The following LAMC1 variants were observed in gnomAD, a reference collection of about 807,000 sequenced individuals.
LAMC1 encodes the protein laminin subunit gamma 1, also known as laminin subunit gamma-1.
In LAMC1, 38 loss-of-function variants were observed where a neutral mutation model predicts 173.6. The observed-to-expected ratio is 0.22, with a 90% CI of 0.17 to 0.29. The LOEUF (loss-of-function observed/expected upper bound fraction) is 0.29. Ranked by LOEUF, LAMC1 falls within the 10% of genes least tolerant of loss-of-function variation. LAMC1 has a pLI of 1.00. For missense variants in LAMC1, 1,824 were observed against 2,051.8 expected, an observed-to-expected ratio of 0.89 and a Z score of 2.14; for synonymous variants, 746 against 749.1, an observed-to-expected ratio of 1.00 and a Z score of 0.07.
chr1:183,084,805 A>AT (rs1408340155), intron 1 of LAMC1, among the ~76,000 whole-genome samples: 3 of 152,234 alleles, frequency 2.0e-5, no homozygotes, highest in Non-Finnish European at 4.4e-5. Flanking sequence ...CATTTTACTC[A>AT]ATGTGAATAT....
Position 183,122,246 on chromosome 1 carries a change from C to T in LAMC1, c.2396C>T (p.Thr799Ile), listed in dbSNP as rs1253763627. Residue 799 changes from threonine to isoleucine, a missense_variant, in exon 13 of 28, where the codon ACC (threonine) becomes ATC (isoleucine). Coordinates refer to ENST00000258341, the MANE Select transcript of LAMC1 (RefSeq NM_002293.4). Reference protein sequence around the residue: ...EVVCTNCPTGTTGKRCELCDD... With the variant: ...EVVCTNCPTGITGKRCELCDD... ...GTGTGCACCAACTGTCCTACTGGCA[C>T]CACTGGTAAGTCTGCTCGCTTCATC... 9 of 1,613,952 alleles carry T rather than the reference C, an allele frequency of 5.6e-6. No individual in the cohort carries two copies. Among genetic ancestry groups the T allele is most frequent in the Non-Finnish European group, 7.6e-6 (9 of 1,179,920 alleles).
Position 183,122,121 on chromosome 1 carries a change from G to A in LAMC1, c.2271G>A (p.Gly757=), listed in dbSNP as rs750477819. 5.0e-6 allele frequency: 8 copies of A among 1,614,066 alleles called. No individual in the cohort carries two copies. The highest frequency in any genetic ancestry group is 6.8e-6 in the Non-Finnish European group (8 of 1,180,034). Reference sequence around the variant, plus strand: ...CGCACTGTGAGAAGTGCAGTGATGGGTACTATGGAGATTCAACTGCAGGCA... The same window carrying A: ...CGCACTGTGAGAAGTGCAGTGATGGATACTATGGAGATTCAACTGCAGGCA... The part of the protein sequence containing the change: ...AGPHCEKCSD[G]YYGDSTAGTS... Residue 757 remains glycine (G), a synonymous_variant, in exon 13 of 28, where the codon GGG becomes GGA. Coordinates refer to ENST00000258341, the MANE Select transcript of LAMC1 (RefSeq NM_002293.4).
intron 1 of LAMC1, among the ~76,000 whole-genome samples, chr1:183,090,452 G>T (rs1462036540): frequency 6.6e-6 from 1 of 152,178 alleles, no homozygotes. Context: ...TGCAAAGAGG[G>T]TGGATGAATG....
At chr1:183,051,184 G>C (rs145406969) in intron 1 of LAMC1, among the ~76,000 whole-genome samples, 48 of 152,276 alleles carry the variant, frequency 3.2e-4, no homozygotes, top group African/African-American at 1.0e-3. Context: ...GTGTGGACTG[G>C]GCTGTGACTG....
chr1:183,059,343 A>G (rs1194324902), intron 1 of LAMC1, among the ~76,000 whole-genome samples: 3 of 152,210 alleles, frequency 2.0e-5, no homozygotes, highest in Non-Finnish European at 4.4e-5. Context: ...CCCAGACTGG[A>G]TAAGCCCACT....
intron 1 of LAMC1, among the ~76,000 whole-genome samples, chr1:183,027,421 A>T (rs1019855222): frequency 6.6e-6 from 1 of 152,200 alleles, no homozygotes; most frequent in African/African-American, 2.4e-5. Flanking sequence ...GTAGTAGTTG[A>T]TACTAAGATT....
intron 1 of LAMC1, among the ~76,000 whole-genome samples, chr1:183,051,111 C>CT (rs1654416175): frequency 6.6e-6 from 1 of 152,056 alleles, no homozygotes; most frequent in South Asian, 2.1e-4. Flanking sequence ...GGATGCAACT[C>CT]TGATTTTGAT....
At chr1:183,131,427 G>GTT (rs55857017) in intron 20 of LAMC1, 49 bp downstream of exon 20, 15 of 1,086,716 alleles carry the variant, frequency 1.4e-5, no homozygotes, top group Middle Eastern at 2.0e-4. Context: ...TTCTGTTATG[G>GTT]GGTGTGTGTG....
At chr1:183,084,636 A>G in intron 1 of LAMC1, among the ~76,000 whole-genome samples, 1 of 152,210 alleles carries the variant, frequency 6.6e-6, no homozygotes, top group East Asian at 1.9e-4. Flanking sequence ...CCTTTTCTGA[A>G]AGGACAACTT....
intron 16 of LAMC1, 32 bp downstream of exon 16, chr1:183,126,294 C>T (rs780593893): frequency 1.2e-6 from 2 of 1,604,336 alleles, no homozygotes; most frequent in Non-Finnish European, 1.7e-6. Context: ...CAACTCTAAG[C>T]TTCCACTAAT....
chr1:183,105,224 CAA>C (rs35512159), intron 2 of LAMC1, among the ~76,000 whole-genome samples: 7 of 42,850 alleles, frequency 1.6e-4, no homozygotes, highest in South Asian at 1.3e-3. Flanking sequence ...GACTCCATCT[CAA>C]AAAAAAAAAA....
chr1:183,132,334 C>G (rs973801823), intron 20 of LAMC1, 66 bp from the exon 21 acceptor site: 2 of 1,139,138 alleles, frequency 1.8e-6, no homozygotes, highest in African/African-American at 1.6e-5. Context: ...TAAGCATTAC[C>G]TGAATTTTAC....
intron 26 of LAMC1, among the ~76,000 whole-genome samples, chr1:183,139,384 CT>C (rs995614225): frequency 3.3e-5 from 5 of 152,124 alleles, no homozygotes; most frequent in African/African-American, 1.2e-4. Context: ...TAGCTTCATT[CT>C]TTTGGAAGAG....
chr1:183,048,361 C>T (rs1445608511), intron 1 of LAMC1, among the ~76,000 whole-genome samples: 1 of 152,152 alleles, frequency 6.6e-6, no homozygotes, highest in African/African-American at 2.4e-5. Context: ...TCCTCTTTAT[C>T]TTAAAACATA....
chr1:183,125,284 CAG>C, intron 14 of LAMC1, 111 bp from the exon 15 acceptor site: 2 of 1,017,938 alleles, frequency 2.0e-6, no homozygotes, highest in Non-Finnish European at 2.8e-6. Context: ...CCACATGTGA[CAG>C]CAGCTACCAA....
At position 183,132,388 on chromosome 1, in the gene LAMC1, T is replaced by C; in HGVS notation, c.3567-12T>C. On this transcript the variant is annotated splice_polypyrimidine_tract_variant and intron_variant, in intron 20 of 27. Transcript: ENST00000258341. ...GTTGTTTCATGGCTTATTTTTTGTTTTATCTGTATAGTCATAAACAGGAAG... is the reference window on the plus strand; with the variant it reads ...GTTGTTTCATGGCTTATTTTTTGTTCTATCTGTATAGTCATAAACAGGAAG... 6.3e-7 allele frequency: 1 copy of C among 1,598,844 alleles called. No homozygotes were observed. Among genetic ancestry groups the C allele is most frequent in the East Asian group, 2.2e-5 (1 of 44,624 alleles).
rs1236503031 is a variant in LAMC1 at position 183,131,281 on chromosome 1, G to C, written c.3487-18G>C. ...ATAATTCAGTCCTTTGAGAATAAGT[G>C]CTTTATTTCCTGTGCAGTCAGTCAC... On this transcript the variant is annotated intron_variant, in intron 19 of 27. Coordinates refer to ENST00000258341, the MANE Select transcript of LAMC1 (RefSeq NM_002293.4). 1 of 1,593,370 alleles carries C rather than the reference G, an allele frequency of 6.3e-7. No individual in the cohort carries two copies. Among genetic ancestry groups the C allele is most frequent in the South Asian group, 1.1e-5 (1 of 90,570 alleles).
At chr1:183,077,190 G>A (rs537567414) in intron 1 of LAMC1, among the ~76,000 whole-genome samples, 29 of 152,256 alleles carry the variant, frequency 1.9e-4, no homozygotes, top group Non-Finnish European at 3.7e-4. Context: ...TGAAAAGCAT[G>A]GATGCTTGGT....
chr1:183,125,002 T>A, intron 14 of LAMC1, 126 bp downstream of exon 14: 1 of 1,279,314 alleles, frequency 7.8e-7, no homozygotes, highest in Non-Finnish European at 1.1e-6. Flanking sequence ...CGCTTTTGTC[T>A]TTTAAAATTT....
Sources: gnomAD v4.1 joint callset for allele counts (sites outside exome capture counted in the v4.1 genomes callset) on GRCh38, gnomAD v4.1.1 for gene constraint, MANE v1.5 for transcripts, NCBI Gene and HGNC (gene_info 2026-07-23, HGNC 2026-07-21) for gene names.